The following ADAM10 variants were observed in gnomAD, a reference collection of about 807,000 sequenced individuals.
ADAM10 encodes the protein ADAM metallopeptidase domain 10.
ADAM10 carries 17 observed loss-of-function variants against 90.1 expected under a neutral mutation model. The ratio of observed to expected loss-of-function variants is 0.19; its 90% CI spans 0.13 to 0.28. The LOEUF is 0.28. Among genes scored for constraint, ADAM10 ranks in the 10% least tolerant of loss-of-function variants. The probability of loss-of-function intolerance (pLI) is 1.00; values close to 1 mark genes in which losing one functional copy is unlikely to be tolerated. For synonymous variants in ADAM10, 310 were observed against 298.6 expected (o/e 1.04, Z -0.40); for missense variants, 610 against 914.3 (o/e 0.67, Z 4.29).
At position 58,706,686 on chromosome 15, in the gene ADAM10, A is replaced by G. The variant is rs114651157; in HGVS notation, c.206+10891T>C. 3.4e-3 allele frequency among the ~76,000 whole-genome samples: 521 copies of G among 152,238 alleles called. 5 individuals carry two copies. Among genetic ancestry groups the G allele is most frequent in the African/African-American group, 0.012 (489 of 41,558 alleles). On this transcript the variant is annotated intron_variant, in intron 2 of 15. Transcript: ENST00000260408. ...GGGGGAAAGGGTAGAGAGTCAGCCA[A>G]TGTACACCCCACCAGGCATCTTCCA...
At chr15:58,724,364 A>G (rs1163319006) in intron 1 of ADAM10, among the ~76,000 whole-genome samples, 1 of 152,186 alleles carries the variant, frequency 6.6e-6, no homozygotes, top group African/African-American at 2.4e-5. Context: ...AAAATATGCA[A>G]ATTATTAAAT....
At chr15:58,695,374 A>G (rs1897947438) in intron 2 of ADAM10, among the ~76,000 whole-genome samples, 1 of 152,232 alleles carries the variant, frequency 6.6e-6, no homozygotes, top group African/African-American at 2.4e-5. Flanking sequence ...TTTTCATAAA[A>G]TTACTTTTGC....
At chr15:58,636,756 C>G (rs1022059132) in intron 8 of ADAM10, among the ~76,000 whole-genome samples, 2 of 151,936 alleles carry the variant, frequency 1.3e-5, no homozygotes, top group Non-Finnish European at 2.9e-5. Flanking sequence ...GAAAAAAATA[C>G]AAGAGTAATA....
At chr15:58,741,122 C>G (rs905696411) in intron 1 of ADAM10, among the ~76,000 whole-genome samples, 1 of 152,148 alleles carries the variant, frequency 6.6e-6, no homozygotes, top group African/African-American at 2.4e-5. Flanking sequence ...CAAATGTATG[C>G]ACACGTGTGT....
chr15:58,589,755 T>C lies in ADAM10; in HGVS notation c.*7792A>G, dbSNP rs932730914. ...AAATTCCAGGGCACAGCAGGTCACATGGACACCTCATTCATCCTGGTAGGA... is the reference window on the plus strand; with the variant it reads ...AAATTCCAGGGCACAGCAGGTCACACGGACACCTCATTCATCCTGGTAGGA... On this transcript the variant is annotated 3_prime_UTR_variant, in exon 16 of 16. Transcript: ENST00000260408. 1 of 152,238 alleles carries C rather than the reference T, an allele frequency of 6.6e-6. No individual in the cohort carries two copies. The highest frequency in any genetic ancestry group is 1.5e-5 in the Non-Finnish European group (1 of 68,066). The allele number at this position is 152,238 out of a possible 1,614,324, so 9.4% of individuals were successfully genotyped here. A position where few individuals can be genotyped will look rare whatever the true frequency, so the allele number is the denominator to read the frequency against.
intron 10 of ADAM10, 80 bp downstream of exon 10, chr15:58,627,620 C>T (rs576657062): frequency 7.9e-7 from 1 of 1,269,460 alleles, no homozygotes; most frequent in East Asian, 2.3e-5. Flanking sequence ...GTGGGTATGT[C>T]AGTAATCACT....
intron 5 of ADAM10, among the ~76,000 whole-genome samples, chr15:58,661,303 C>A (rs1896961213): frequency 1.3e-5 from 2 of 152,060 alleles, no homozygotes; most frequent in South Asian, 4.1e-4. Flanking sequence ...CTTTTTCTGC[C>A]TGAAGAACTT....
At chr15:58,643,130 T>C (rs1205644896) in intron 7 of ADAM10, among the ~76,000 whole-genome samples, 4 of 152,124 alleles carry the variant, frequency 2.6e-5, no homozygotes, top group Non-Finnish European at 2.9e-5. Flanking sequence ...GCTATACATA[T>C]ATATTTAGAA....
At chr15:58,639,572 G>A (rs1305339904) in intron 8 of ADAM10, among the ~76,000 whole-genome samples, 4 of 152,090 alleles carry the variant, frequency 2.6e-5, no homozygotes, top group Non-Finnish European at 5.9e-5. Context: ...ACTAATCCAA[G>A]TAACAAAAAA....
intron 5 of ADAM10, among the ~76,000 whole-genome samples, chr15:58,657,920 GTT>G (rs1896871424): frequency 6.7e-6 from 1 of 150,190 alleles, no homozygotes; most frequent in Non-Finnish European, 1.5e-5. Context: ...AGTTATAACA[GTT>G]CTTTACTATT....
At chr15:58,667,428 T>C (rs1252223598) in intron 4 of ADAM10, among the ~76,000 whole-genome samples, 5 of 152,088 alleles carry the variant, frequency 3.3e-5, no homozygotes, top group African/African-American at 1.2e-4. Flanking sequence ...TCCAACAGGG[T>C]ACCCCTCAGC....
rs59946621 is a variant in ADAM10 at position 58,735,400 on chromosome 15, GAATAA to G, written c.55+14075_55+14079del. Among the ~76,000 whole-genome samples the G allele has an allele frequency of 2.2e-3, 336 of 152,198 alleles. 1 individual carries two copies. The highest frequency in any genetic ancestry group is 7.5e-3 in the African/African-American group (312 of 41,538). ...TCCTAATTTTATCCCTCCTGATAAA[GAATAA>G]AATAAAATTGTCCCTTGGTATCCCT... On this transcript the variant is annotated intron_variant, in intron 1 of 15. Transcript: ENST00000260408.
chr15:58,749,130 G>C (rs1170204909), intron 1 of ADAM10: 1 of 398,264 alleles, frequency 2.5e-6, no homozygotes, highest in Non-Finnish European at 4.4e-6. Context: ...CCGCCGAGCA[G>C]ACTGGAGGGA....
chr15:58,667,024 A>G (rs1897095724), intron 4 of ADAM10, among the ~76,000 whole-genome samples: 8 of 152,130 alleles, frequency 5.3e-5, no homozygotes, highest in Admixed American at 5.2e-4. Context: ...CTAACAATAT[A>G]ATCCTCATTT....
intron 5 of ADAM10, among the ~76,000 whole-genome samples, chr15:58,649,082 G>A (rs932022029): frequency 1.3e-5 from 2 of 151,742 alleles, no homozygotes; most frequent in Non-Finnish European, 2.9e-5. Context: ...AGATATTTTG[G>A]GGTTTAAATC....
At chr15:58,599,066 A>G (rs1895036327) in intron 15 of ADAM10, among the ~76,000 whole-genome samples, 1 of 151,810 alleles carries the variant, frequency 6.6e-6, no homozygotes, top group African/African-American at 2.4e-5. Flanking sequence ...GCACGCGCCT[A>G]TAGTCCCAGC....
chr15:58,664,972 TA>T, intron 5 of ADAM10, 124 bp downstream of exon 5: 1 of 799,622 alleles, frequency 1.3e-6, no homozygotes, highest in Non-Finnish European at 2.1e-6. Context: ...CTTTGAGCAT[TA>T]AAAAACATTC....
intron 14 of ADAM10, among the ~76,000 whole-genome samples, 197 bp from the exon 15 acceptor site, chr15:58,599,921 A>G (rs964903734): frequency 3.9e-5 from 6 of 152,198 alleles, no homozygotes; most frequent in Non-Finnish European, 8.8e-5. Flanking sequence ...TAAAGGAGAA[A>G]ATGGAAATCA....
rs568028322 is a variant in ADAM10, at chr15:58,666,696, T to C, written c.485-1499A>G. On this transcript the variant is annotated intron_variant, in intron 4 of 15. Transcript: ENST00000260408. ...CAAAAAAAAACATTTATTTAGTACA[T>C]TGTTACTTAAAACATTGGGATTTTA... 3.4e-4 allele frequency among the ~76,000 whole-genome samples: 52 copies of C among 152,260 alleles called. No homozygotes were observed. In the East Asian group the frequency reaches 5.6e-3, roughly 16 times the overall value.
Sources: allele counts gnomAD v4.1 joint callset (sites outside exome capture counted in the v4.1 genomes callset), GRCh38; gene constraint gnomAD v4.1.1; transcripts MANE v1.5; gene names NCBI Gene and HGNC (gene_info 2026-07-23, HGNC 2026-07-21).